NELL2: variants seen among roughly 807,000 people sequenced by gnomAD.
The protein encoded by NELL2 is protein kinase C-binding protein NELL2.
A neutral mutation model predicts 109.6 loss-of-function variants in NELL2; 41 were observed. The observed-to-expected ratio is 0.37, with a 90% CI of 0.29 to 0.49. The LOEUF (loss-of-function observed/expected upper bound fraction) is 0.49. Among genes scored for constraint, NELL2 ranks in the 20% least tolerant of loss-of-function variants. NELL2 has a pLI of 0.98. For synonymous variants in NELL2, 355 were observed against 344.7 expected (o/e 1.03, Z -0.33); for missense variants, 900 against 1,008.3 (o/e 0.89, Z 1.45).
At chr12:44,880,114 T>TAAACAC (rs1224392723), upstream of NELL2, among the ~76,000 whole-genome samples, 9 of 137,056 alleles carry the variant, frequency 6.6e-5, no homozygotes, top group African/African-American at 1.8e-4. Flanking sequence ...TCAAGAAACA[T>TAAACAC]ACACACACAC....
At position 44,711,958 on chromosome 12, in the gene NELL2, T is replaced by G. The variant is rs553490040; in HGVS notation, c.1087-564A>C. Reference sequence around the variant, plus strand: ...GGCACATAATTGGCACTTAAAAAATTTCTTGAATAAATGAATAAATCAATG... The same window carrying G: ...GGCACATAATTGGCACTTAAAAAATGTCTTGAATAAATGAATAAATCAATG... On this transcript the variant is annotated intron_variant, in intron 10 of 19. Transcript: ENST00000429094. Among the ~76,000 whole-genome samples, 4 of 152,138 alleles carry G rather than the reference T, an allele frequency of 2.6e-5. No homozygotes were observed. The East Asian group carries it at 7.7e-4, about 29-fold the overall frequency.
At chr12:44,797,414 A>C (rs1942662525) in intron 3 of NELL2, among the ~76,000 whole-genome samples, 1 of 152,074 alleles carries the variant, frequency 6.6e-6, no homozygotes. Flanking sequence ...TGTGCAAAAA[A>C]TTTGGCTGGC....
chr12:44,723,775 T>C (rs1361375829), intron 9 of NELL2, among the ~76,000 whole-genome samples: 6 of 152,176 alleles, frequency 3.9e-5, no homozygotes, highest in African/African-American at 1.2e-4. Context: ...TTAAGGGAAC[T>C]CTTATACACT....
chr12:44,826,008 C>T (rs1943699938), intron 2 of NELL2, among the ~76,000 whole-genome samples: 1 of 151,734 alleles, frequency 6.6e-6, no homozygotes, highest in Non-Finnish European at 1.5e-5. Flanking sequence ...CGCCATTGCA[C>T]TCCAGTCTGG....
rs1325852038 is a variant in NELL2, at chr12:44,885,380, TA to T, written c.39-9481del. Among the ~76,000 whole-genome samples the T allele has an allele frequency of 3.3e-5, 5 of 151,982 alleles. No homozygotes were observed. In the East Asian group the frequency reaches 7.7e-4, roughly 23 times the overall value. The stretch of plus-strand genomic sequence containing the variant: ...CCTAAATGATATGGTCATCTACCTT[TA>T]AAAAATCCCAAAGCATATGTGAGAA... On this transcript the variant is annotated intron_variant, in intron 1 of 20. Coordinates refer to the NELL2 transcript ENST00000333837.
intron 15 of NELL2, among the ~76,000 whole-genome samples, chr12:44,555,231 C>T (rs980847721): frequency 6.6e-6 from 1 of 152,104 alleles, no homozygotes; most frequent in Non-Finnish European, 1.5e-5. Context: ...CTTGTGAGGG[C>T]TGGAAGGTCA....
At chr12:44,534,483 T>A (rs1942213721) in intron 15 of NELL2, among the ~76,000 whole-genome samples, 1 of 152,110 alleles carries the variant, frequency 6.6e-6, no homozygotes, top group Non-Finnish European at 1.5e-5. Flanking sequence ...TTCTGACACA[T>A]AACTGATGTG....
chr12:44,828,620 G>A (rs969323170), intron 2 of NELL2, among the ~76,000 whole-genome samples: 4 of 152,030 alleles, frequency 2.6e-5, no homozygotes, highest in Non-Finnish European at 2.9e-5. Flanking sequence ...AAAAGAAATA[G>A]CAGGTTCTAT....
chr12:44,646,878 C>T (rs1267186533), intron 13 of NELL2, among the ~76,000 whole-genome samples: 1 of 152,170 alleles, frequency 6.6e-6, no homozygotes, highest in Non-Finnish European at 1.5e-5. Context: ...TAAAAGCTTA[C>T]AAATTTGGGA....
chr12:44,631,666 C>T (rs1175404165), intron 13 of NELL2, among the ~76,000 whole-genome samples: 1 of 151,896 alleles, frequency 6.6e-6, no homozygotes, highest in Non-Finnish European at 1.5e-5. Context: ...CTATTTTGTA[C>T]CCCATGAATC....
rs773375620 is a variant in NELL2, at chr12:44,875,335, T to A, written c.74A>T (p.Asp25Val). The change falls in exon 2 of 20, where the codon GAC (aspartate) becomes GTC (valine). Residue 25 changes from aspartate (D) to valine (V), a missense_variant. Asp to Val is a radical substitution (Grantham distance 152). Coordinates refer to ENST00000429094, the MANE Select transcript of NELL2 (RefSeq NM_001145108.2). ...GLGAVWGLGV[D>V]PSLQIDVLTE... ...TAAGACGTCAATCTGTAGGGAAGGG[T>A]CCACACCAAGCCCCCAAACTGGTGA... 1 of 1,613,812 alleles carries A rather than the reference T, an allele frequency of 6.2e-7. No individual in the cohort carries two copies. Among genetic ancestry groups the A allele is most frequent in the African/African-American group, 1.3e-5 (1 of 74,900 alleles).
At chr12:44,879,861 C>A (rs1945391172), upstream of NELL2, among the ~76,000 whole-genome samples, 1 of 151,884 alleles carries the variant, frequency 6.6e-6, no homozygotes, top group Non-Finnish European at 1.5e-5. Flanking sequence ...AATGTCAAAT[C>A]TCAAGCTTTG....
At chr12:44,711,159 T>C in intron 11 of NELL2, 133 bp downstream of exon 11, 1 of 634,852 alleles carries the variant, frequency 1.6e-6, no homozygotes, top group Non-Finnish European at 2.8e-6. Context: ...TGTGCCAAAT[T>C]AGGAGAGCAT....
chr12:44,571,009 G>C (rs188097766), intron 15 of NELL2, among the ~76,000 whole-genome samples: 8 of 152,272 alleles, frequency 5.3e-5, no homozygotes, highest in East Asian at 1.9e-4. Context: ...ATCAAGGTCA[G>C]AACAACCCTA....
At chr12:44,578,144 G>T (rs989413079) in intron 15 of NELL2, among the ~76,000 whole-genome samples, 7 of 151,274 alleles carry the variant, frequency 4.6e-5, no homozygotes, top group Non-Finnish European at 8.8e-5. Flanking sequence ...CTCTGATTCT[G>T]TTTGAGTCTG....
intron 9 of NELL2, 47 bp downstream of exon 9, chr12:44,774,700 T>A (rs754280581): frequency 6.9e-7 from 1 of 1,448,346 alleles, no homozygotes; most frequent in Non-Finnish European, 9.7e-7. Flanking sequence ...ATTAATACAG[T>A]GCTTTATTTT....
At chr12:44,655,258 G>A (rs990207195) in intron 13 of NELL2, among the ~76,000 whole-genome samples, 1 of 152,146 alleles carries the variant, frequency 6.6e-6, no homozygotes, top group Non-Finnish European at 1.5e-5. Context: ...AGGGAAACAT[G>A]CCACTGGTGC....
chr12:44,680,062 AT>A (rs1447058149), intron 12 of NELL2, among the ~76,000 whole-genome samples: 1 of 152,148 alleles, frequency 6.6e-6, no homozygotes, highest in Non-Finnish European at 1.5e-5. Context: ...AAGAAGGTGG[AT>A]TATTATTTTT....
chr12:44,733,602 T>G lies in NELL2; in HGVS notation c.995-18861A>C, dbSNP rs533016606. On this transcript the variant is annotated intron_variant, in intron 9 of 19. Coordinates refer to ENST00000429094, the MANE Select transcript of NELL2 (RefSeq NM_001145108.2). ...CTATTCAATGGTTATAGAGTTTCAG[T>G]CATGAAAGATGAGAAAGTCCTAGAT... is the stretch of plus-strand genomic sequence containing the variant. Among the ~76,000 whole-genome samples the G allele has an allele frequency of 2.6e-5, 4 of 152,070 alleles. No homozygotes were observed. In the East Asian group the frequency reaches 5.8e-4, roughly 22 times the overall value.
Sources: allele counts gnomAD v4.1 joint callset (sites outside exome capture counted in the v4.1 genomes callset), GRCh38; gene constraint gnomAD v4.1.1; transcripts MANE v1.5; gene names NCBI Gene and HGNC (gene_info 2026-07-23, HGNC 2026-07-21).